Variants in ANKFN1 observed in about 807,000 individuals in gnomAD.
ANKFN1 encodes ankyrin repeat and fibronectin type-III domain-containing protein 1.
A neutral mutation model predicts 108.7 loss-of-function variants in ANKFN1; 74 were observed. That is an observed-to-expected ratio of 0.68 (90% CI 0.56 to 0.83). The LOEUF is 0.83. Ranked by LOEUF, ANKFN1 falls within the 40% of genes least tolerant of loss-of-function variation. ANKFN1 has a pLI of 0.00. For missense variants in ANKFN1, 1,505 were observed against 1,382.3 expected (o/e 1.09, Z -1.41); for synonymous variants, 547 against 516.2 (o/e 1.06, Z -0.81).
intron 15 of ANKFN1, chr17:56,471,333 T>C (rs1443227912): frequency 6.6e-6 from 1 of 151,498 alleles, no homozygotes; most frequent in Non-Finnish European, 1.5e-5. Flanking sequence ...CTGTTCCTTC[T>C]CTTCCCTGCT....
At chr17:56,361,443 G>A (rs2046514294) in intron 6 of ANKFN1, among the ~76,000 whole-genome samples, 1 of 151,862 alleles carries the variant, frequency 6.6e-6, no homozygotes, top group African/African-American at 2.4e-5. Flanking sequence ...CCTTAGAAAA[G>A]GCTAAAAATT....
At chr17:56,214,435 G>C (rs1464851147) in intron 2 of ANKFN1, among the ~76,000 whole-genome samples, 2 of 152,204 alleles carry the variant, frequency 1.3e-5, no homozygotes, top group African/African-American at 4.8e-5. Flanking sequence ...AGATAAGCCA[G>C]GAGTGTGGCC....
intron 16 of ANKFN1, among the ~76,000 whole-genome samples, chr17:56,479,464 A>G (rs1167284581): frequency 2.6e-5 from 4 of 152,240 alleles, no homozygotes; most frequent in African/African-American, 9.6e-5. Context: ...TTGTGAAGCC[A>G]ACAGTATGCC....
intron 3 of ANKFN1, among the ~76,000 whole-genome samples, chr17:56,304,480 A>C (rs2044760847): frequency 6.6e-6 from 1 of 152,272 alleles, no homozygotes; most frequent in South Asian, 2.1e-4. Flanking sequence ...GTGCAAACCA[A>C]AGTCCTTATT....
chr17:56,379,899 A>G (rs1009639810), intron 8 of ANKFN1, among the ~76,000 whole-genome samples: 25 of 152,260 alleles, frequency 1.6e-4, no homozygotes, highest in African/African-American at 6.0e-4. Context: ...TCATAATACC[A>G]TAATTTTACA....
intron 1 of ANKFN1, among the ~76,000 whole-genome samples, chr17:56,176,749 A>G (rs1350531080): frequency 6.6e-6 from 1 of 152,206 alleles, no homozygotes; most frequent in Non-Finnish European, 1.5e-5. Flanking sequence ...AGAGTAGATA[A>G]TATGAAGCAA....
intron 1 of ANKFN1, among the ~76,000 whole-genome samples, chr17:56,169,199 A>G (rs989490595): frequency 6.6e-6 from 1 of 152,202 alleles, no homozygotes; most frequent in African/African-American, 2.4e-5. Flanking sequence ...GTGCAGAGGC[A>G]GGGAGATGTG....
chr17:56,071,659 T>G (rs72827484), intron 4 of ANKFN1, among the ~76,000 whole-genome samples: 1 of 152,316 alleles, frequency 6.6e-6, no homozygotes, highest in Non-Finnish European at 1.5e-5. Flanking sequence ...AAAGGATATC[T>G]ATTACAACAA....
intron 3 of ANKFN1, among the ~76,000 whole-genome samples, chr17:56,305,726 C>A (rs544164093): frequency 7.2e-5 from 11 of 151,866 alleles, no homozygotes; most frequent in Non-Finnish European, 5.9e-5. Flanking sequence ...AGTACTAGAC[C>A]CTGAAGATAT....
Position 56,112,913 on chromosome 17 carries a change from G to A in ANKFN1, c.288+66588G>A, listed in dbSNP as rs118011508. 1.7e-3 allele frequency among the ~76,000 whole-genome samples: 256 copies of A among 152,306 alleles called. 2 individuals carry two copies. In the East Asian group the frequency reaches 0.043, roughly 25 times the overall value. On this transcript the variant is annotated intron_variant, in intron 4 of 12. Coordinates refer to the ANKFN1 transcript ENST00000635860. ...CATGCATACATATGCATGTCGATAT[G>A]TGTGCATGTAATTGATGTGTGTATG...
At position 56,442,365 on chromosome 17, in the gene ANKFN1, C is replaced by T. The variant is rs371517399; in HGVS notation, c.1009-478C>T. On this transcript the variant is annotated intron_variant, in intron 9 of 20. Transcript: ENST00000682825. ...AAAAGAGCAAGGCAGTTATTTAATG[C>T]ACTACTCTGAAAAGATATTTATTAT... Among the ~76,000 whole-genome samples the T allele has an allele frequency of 1.3e-4, 20 of 152,210 alleles. No individual in the cohort carries two copies. In the East Asian group the frequency reaches 1.4e-3, roughly 10 times the overall value.
intron 5 of ANKFN1, among the ~76,000 whole-genome samples, chr17:56,353,466 G>A (rs548754646): frequency 4.1e-4 from 62 of 152,092 alleles, no homozygotes; most frequent in Non-Finnish European, 7.8e-4. Flanking sequence ...CAAACTCCTC[G>A]CCTCAAGTGA....
chr17:56,353,224 G>T (rs751586419), intron 5 of ANKFN1, among the ~76,000 whole-genome samples: 3 of 150,218 alleles, frequency 2.0e-5, no homozygotes, highest in Admixed American at 6.6e-5. Flanking sequence ...TTTCTTCATA[G>T]AACATCTCTT....
At position 56,117,851 on chromosome 17, in the gene ANKFN1, A is replaced by G. The variant is rs1314032495; in HGVS notation, c.288+71526A>G. ...ATTTTAGAGCATCTTCATCACCCCA[A>G]AAAGAAACCTAGTACCTATTAGCAG... On this transcript the variant is annotated intron_variant, in intron 4 of 12. Coordinates refer to the ANKFN1 transcript ENST00000635860. Among the ~76,000 whole-genome samples, 6 of 152,200 alleles carry G rather than the reference A, an allele frequency of 3.9e-5. No individual in the cohort carries two copies. In the East Asian group the frequency reaches 5.8e-4, roughly 15 times the overall value.
At chr17:56,323,013 G>C (rs1397500651) in intron 3 of ANKFN1, among the ~76,000 whole-genome samples, 1 of 152,160 alleles carries the variant, frequency 6.6e-6, no homozygotes, top group African/African-American at 2.4e-5. Flanking sequence ...AGGTGTAGTG[G>C]CTGAAGGAGA....
chr17:56,432,402 A>G (rs1171482961), intron 8 of ANKFN1, among the ~76,000 whole-genome samples: 2 of 152,250 alleles, frequency 1.3e-5, no homozygotes, highest in Non-Finnish European at 2.9e-5. Flanking sequence ...AAAATATTGT[A>G]ATAATGTATA....
At chr17:56,298,794 T>C (rs2044592089) in intron 3 of ANKFN1, among the ~76,000 whole-genome samples, 1 of 152,276 alleles carries the variant, frequency 6.6e-6, no homozygotes, top group Non-Finnish European at 1.5e-5. Context: ...TGTTTTTGGC[T>C]ACATCTTCTC....
At chr17:56,313,619 A>G (rs2045109401) in intron 3 of ANKFN1, among the ~76,000 whole-genome samples, 1 of 152,152 alleles carries the variant, frequency 6.6e-6, no homozygotes, top group African/African-American at 2.4e-5. Context: ...ACAAATACCC[A>G]TCCCCATATG....
intron 1 of ANKFN1, among the ~76,000 whole-genome samples, chr17:56,167,949 C>T (rs1910312781): frequency 6.6e-6 from 1 of 152,136 alleles, no homozygotes; most frequent in South Asian, 2.1e-4. Context: ...GAGAGGGGAA[C>T]CAGATGTCAG....
Sources: gnomAD v4.1 joint callset for allele counts (sites outside exome capture counted in the v4.1 genomes callset) on GRCh38, gnomAD v4.1.1 for gene constraint, MANE v1.5 for transcripts, NCBI Gene and HGNC (gene_info 2026-07-23, HGNC 2026-07-21) for gene names.